MSRB3: variants seen among roughly 807,000 people sequenced by gnomAD.
The protein encoded by MSRB3 is methionine sulfoxide reductase B3, also known as methionine-R-sulfoxide reductase B3.
MSRB3 carries 13 observed loss-of-function variants against 21.0 expected under a neutral mutation model. That is an observed-to-expected ratio of 0.62 (90% CI 0.40 to 0.98). The LOEUF is 0.98. Ranked by LOEUF, MSRB3 falls within the 50% of genes least tolerant of loss-of-function variation. The pLI, the probability that MSRB3 is intolerant of heterozygous loss-of-function variation, is 0.00. For synonymous variants in MSRB3, 87 were observed against 88.6 expected (o/e 0.98, Z 0.10); for missense variants, 199 against 230.3 (o/e 0.86, Z 0.88).
At chr12:65,379,788 G>A (rs1402599046) in intron 5 of MSRB3, among the ~76,000 whole-genome samples, 1 of 152,094 alleles carries the variant, frequency 6.6e-6, no homozygotes, top group Admixed American at 6.6e-5. Flanking sequence ...GAGCAGTCTT[G>A]GTTTCTAATA....
chr12:65,343,443 C>T (rs558012348), intron 4 of MSRB3, among the ~76,000 whole-genome samples: 1 of 152,126 alleles, frequency 6.6e-6, no homozygotes, highest in African/African-American at 2.4e-5. Context: ...TTCCCAGAAG[C>T]CTAGAGGCAA....
chr12:65,312,323 A>T (rs12315892), intron 2 of MSRB3, among the ~76,000 whole-genome samples: 6,080 of 152,052 alleles, frequency 0.04, 399 homozygotes, highest in African/African-American at 0.14. Context: ...GTGGGAGGAC[A>T]CAGTTTCCAT....
At chr12:65,340,215 A>G (rs1298461528) in intron 4 of MSRB3, among the ~76,000 whole-genome samples, 2 of 152,222 alleles carry the variant, frequency 1.3e-5, no homozygotes, top group Non-Finnish European at 2.9e-5. Flanking sequence ...AACTGAAAGT[A>G]TAAACACAAC....
intron 4 of MSRB3, among the ~76,000 whole-genome samples, chr12:65,349,779 G>A (rs996087257): frequency 9.3e-5 from 14 of 151,296 alleles, no homozygotes; most frequent in Non-Finnish European, 2.9e-5. Context: ...TTGTAAATTT[G>A]TTTGAGTTCA....
chr12:65,297,395 A>C (rs901987435), intron 1 of MSRB3, among the ~76,000 whole-genome samples: 1 of 152,148 alleles, frequency 6.6e-6, no homozygotes, highest in African/African-American at 2.4e-5. Context: ...TAAAAATTAA[A>C]ATAGAATCCA....
intron 1 of MSRB3, among the ~76,000 whole-genome samples, chr12:65,297,772 C>T (rs540486500): frequency 6.6e-6 from 1 of 152,100 alleles, no homozygotes; most frequent in African/African-American, 2.4e-5. Context: ...AGTACACAGC[C>T]CTTTTGCAGT....
intron 5 of MSRB3, among the ~76,000 whole-genome samples, chr12:65,411,430 T>C (rs1473548569): frequency 1.3e-5 from 2 of 152,208 alleles, no homozygotes; most frequent in Non-Finnish European, 2.9e-5. Flanking sequence ...TTTGTACATA[T>C]GCTACCCATT....
At chr12:65,444,639 G>T (rs1592643854) in intron 5 of MSRB3, among the ~76,000 whole-genome samples, 1 of 152,194 alleles carries the variant, frequency 6.6e-6, no homozygotes, top group East Asian at 1.9e-4. Context: ...TTCCCTGCAG[G>T]TTGTAAAAGA....
intron 5 of MSRB3, among the ~76,000 whole-genome samples, chr12:65,447,421 G>GT (rs1246809848): frequency 2.0e-5 from 3 of 152,178 alleles, no homozygotes; most frequent in Non-Finnish European, 4.4e-5. Flanking sequence ...CAACTCTCTA[G>GT]TTAATATTCT....
At position 65,299,320 on chromosome 12, in the gene MSRB3, C is replaced by A. The variant is rs560305769; in HGVS notation, c.-51-9209C>A. On this transcript the variant is annotated intron_variant, in intron 1 of 6. Transcript: ENST00000308259. ...AAGAGATTACAAGTGGAGCAACTTA[C>A]AGAAAGTAGAAGTTTCCCTTTCATA... is the stretch of plus-strand genomic sequence containing the variant. Among the ~76,000 whole-genome samples the A allele has an allele frequency of 3.9e-5, 6 of 152,344 alleles. No individual in the cohort carries two copies. In the South Asian group the frequency reaches 1.2e-3, roughly 32 times the overall value.
At chr12:65,331,712 T>C (rs1202259291) in intron 4 of MSRB3, among the ~76,000 whole-genome samples, 3 of 152,230 alleles carry the variant, frequency 2.0e-5, no homozygotes, top group African/African-American at 7.2e-5. Flanking sequence ...GCCACTCGTG[T>C]AGCTGGAAAG....
In MSRB3 at chr12:65,327,564, C is replaced by T. The variant is rs542490118; in HGVS notation, c.185+630C>T. ...TAAAGCCTCTCTCAGCTGATTCCAG[C>T]TCAAAGGTAACTTGCCAAGGTCCGA... On this transcript the variant is annotated intron_variant, in intron 3 of 6. Transcript: ENST00000308259. Among the ~76,000 whole-genome samples the T allele has an allele frequency of 2.0e-5, 3 of 152,346 alleles. No individual in the cohort carries two copies. In the South Asian group the frequency reaches 6.2e-4, roughly 32 times the overall value.
intron 2 of MSRB3, among the ~76,000 whole-genome samples, chr12:65,322,835 G>A (rs1027651453): frequency 6.6e-5 from 10 of 152,028 alleles, no homozygotes; most frequent in African/African-American, 2.2e-4. Flanking sequence ...TGACAGCCAC[G>A]TTCTAGAATT....
chr12:65,349,371 G>A (rs1343780026), intron 4 of MSRB3, among the ~76,000 whole-genome samples: 3 of 151,770 alleles, frequency 2.0e-5, no homozygotes, highest in African/African-American at 2.4e-5. Context: ...ATAAACATAC[G>A]TGTGCATGTG....
At chr12:65,322,085 T>C (rs746175222) in intron 2 of MSRB3, among the ~76,000 whole-genome samples, 1 of 152,174 alleles carries the variant, frequency 6.6e-6, no homozygotes, top group Non-Finnish European at 1.5e-5. Flanking sequence ...AAGGTTTAGG[T>C]AACAGATCTA....
At chr12:65,351,531 T>G (rs911247449) in intron 4 of MSRB3, among the ~76,000 whole-genome samples, 80 of 150,142 alleles carry the variant, frequency 5.3e-4, no homozygotes, top group African/African-American at 1.9e-3. Context: ...GGAGCTGGTT[T>G]TTTGAAGGGA....
rs150957198 is a variant in MSRB3 at position 65,404,069 on chromosome 12, T to C, written c.292+35043T>C. ...CTATTTGATCATCTTGCCAGCCACC[T>C]CTTTTTCTTTTTTAGAGATAGAGTT... On this transcript the variant is annotated intron_variant, in intron 5 of 6. Coordinates refer to ENST00000308259, the MANE Select transcript of MSRB3 (RefSeq NM_001031679.3). Among the ~76,000 whole-genome samples, 294 of 152,372 alleles carry C rather than the reference T, an allele frequency of 1.9e-3. 2 individuals are homozygous for C. In the Middle Eastern group the frequency reaches 0.02, roughly 11 times the overall value.
At chr12:65,361,118 A>G (rs933931724) in intron 4 of MSRB3, among the ~76,000 whole-genome samples, 1 of 152,106 alleles carries the variant, frequency 6.6e-6, no homozygotes, top group Admixed American at 6.6e-5. Context: ...TACCACAAGT[A>G]TGATATTACT....
intron 5 of MSRB3, among the ~76,000 whole-genome samples, chr12:65,409,165 CGTGTGTGTGTGTTT>C (rs1565878704): frequency 1.3e-5 from 2 of 150,902 alleles, no homozygotes; most frequent in Admixed American, 1.3e-4. Flanking sequence ...TATCTATATA[CGTGTGTGTGTGTTT>C]GTGTGTGTAT....
Sources: allele counts gnomAD v4.1 joint callset (sites outside exome capture counted in the v4.1 genomes callset), GRCh38; gene constraint gnomAD v4.1.1; transcripts MANE v1.5; gene names NCBI Gene and HGNC (gene_info 2026-07-23, HGNC 2026-07-21).